Variants in NXPE2 observed in about 807,000 individuals in gnomAD.
NXPE2 encodes the protein NXPE family member 2.
In NXPE2, 34 loss-of-function variants were observed where a neutral mutation model predicts 34.4. The ratio of observed to expected loss-of-function variants is 0.99; its 90% CI spans 0.75 to 1.31. The LOEUF is 1.31. NXPE2 is among the 40% of genes most tolerant of loss of function. NXPE2 has a pLI of 0.00. For synonymous variants in NXPE2, 235 were observed against 231.3 expected (o/e 1.02, Z -0.15); for missense variants, 649 against 672.5 (o/e 0.97, Z 0.39).
At chr11:114,688,450 C>T (rs916711926) in intron 2 of NXPE2, among the ~76,000 whole-genome samples, 23 of 151,986 alleles carry the variant, frequency 1.5e-4, no homozygotes, top group Non-Finnish European at 2.7e-4. Context: ...TTAATTGTGG[C>T]GAATTAACTT....
At chr11:114,687,236 A>G (rs1267548506) in intron 2 of NXPE2, among the ~76,000 whole-genome samples, 3 of 151,994 alleles carry the variant, frequency 2.0e-5, no homozygotes, top group African/African-American at 4.8e-5. Flanking sequence ...TAGGATTTTT[A>G]TAGTTTGAGG....
At chr11:114,771,818 C>T in the NXPE2 span, among the ~76,000 whole-genome samples, 1 of 152,258 alleles carries the variant, frequency 6.6e-6, no homozygotes, top group Non-Finnish European at 1.5e-5. Flanking sequence ...CAACATAATC[C>T]TCTTCACACC....
chr11:114,663,630 TATCTATC>T, the NXPE2 span, among the ~76,000 whole-genome samples: 148 of 109,710 alleles, frequency 1.3e-3, no homozygotes, highest in Middle Eastern at 4.3e-3. Flanking sequence ...TCTATCTATC[TATCTATC>T]ATCTATCCAT....
chr11:114,609,733 T>C, the NXPE2 span, among the ~76,000 whole-genome samples: 1 of 151,656 alleles, frequency 6.6e-6, no homozygotes, highest in Admixed American at 6.6e-5. Flanking sequence ...TATTGCCTCA[T>C]GGATAACCAC....
chr11:114,532,850 T>A, the NXPE2 span, among the ~76,000 whole-genome samples: 1 of 152,212 alleles, frequency 6.6e-6, no homozygotes, highest in Non-Finnish European at 1.5e-5. Context: ...GTGAAAAATC[T>A]TGTAGTATAA....
At chr11:114,808,687 T>G in the NXPE2 span, among the ~76,000 whole-genome samples, 1 of 151,446 alleles carries the variant, frequency 6.6e-6, no homozygotes, top group Non-Finnish European at 1.5e-5. Flanking sequence ...GGCTCTGAAA[T>G]TGAGGCAATA....
At chr11:114,699,796 A>AT (rs11314562) in intron 3 of NXPE2, among the ~76,000 whole-genome samples, 45 of 129,666 alleles carry the variant, frequency 3.5e-4, no homozygotes, top group African/African-American at 9.4e-4. Context: ...CCATTCATTC[A>AT]TTTTTTTTTT....
the NXPE2 span, among the ~76,000 whole-genome samples, chr11:114,761,621 C>T: frequency 3.6e-5 from 5 of 138,650 alleles, no homozygotes; most frequent in Non-Finnish European, 7.5e-5. Flanking sequence ...GGCCGGACTG[C>T]GGACGGCAGT....
chr11:114,567,141 C>A, the NXPE2 span, among the ~76,000 whole-genome samples: 4 of 152,254 alleles, frequency 2.6e-5, no homozygotes, highest in East Asian at 7.7e-4. Context: ...CCAGAATAAG[C>A]AATCTTTTGG....
the NXPE2 span, among the ~76,000 whole-genome samples, chr11:114,640,252 A>G: frequency 2.1e-5 from 3 of 141,968 alleles, no homozygotes; most frequent in Non-Finnish European, 3.0e-5. Flanking sequence ...TATAAAATAT[A>G]AAATATATAG....
At chr11:114,502,530 T>G in the NXPE2 span, among the ~76,000 whole-genome samples, 1 of 152,216 alleles carries the variant, frequency 6.6e-6, no homozygotes, top group South Asian at 2.1e-4. Context: ...TGAGACTTTA[T>G]AATATTACTG....
At chr11:114,512,985 A>T in the NXPE2 span, 1 of 351,884 alleles carries the variant, frequency 2.8e-6, no homozygotes, top group East Asian at 7.3e-5. Flanking sequence ...CCCTCCAGAG[A>T]GTCAATGCTC....
the NXPE2 span, among the ~76,000 whole-genome samples, chr11:114,581,400 A>C: frequency 6.6e-6 from 1 of 152,150 alleles, no homozygotes. Flanking sequence ...GAGTGGTATG[A>C]AGAGAGGTGT....
chr11:114,790,548 G>A, the NXPE2 span, among the ~76,000 whole-genome samples: 12 of 152,152 alleles, frequency 7.9e-5, no homozygotes, highest in African/African-American at 2.4e-4. Flanking sequence ...CCAGATTTTC[G>A]CTATCCCCAA....
chr11:114,701,552 A>G (rs1296230602), intron 3 of NXPE2, among the ~76,000 whole-genome samples: 2 of 152,148 alleles, frequency 1.3e-5, no homozygotes, highest in African/African-American at 4.8e-5. Context: ...CTCCTACTGC[A>G]TGGAAATAGA....
the NXPE2 span, chr11:114,526,517 T>C: frequency 1.0e-5 from 1 of 97,160 alleles, no homozygotes; most frequent in Non-Finnish European, 2.2e-5. Context: ...CATACCACTC[T>C]CTTCCTCAGT....
the NXPE2 span, among the ~76,000 whole-genome samples, chr11:114,579,517 G>A: frequency 2.6e-5 from 4 of 152,302 alleles, no homozygotes; most frequent in African/African-American, 7.2e-5. Flanking sequence ...CTTTACTTGT[G>A]TCTACCTGAT....
the NXPE2 span, among the ~76,000 whole-genome samples, chr11:114,517,335 A>G: frequency 6.6e-6 from 1 of 152,046 alleles, no homozygotes; most frequent in Non-Finnish European, 1.5e-5. Context: ...CTCCTCCCTT[A>G]CCCAGAAATC....
At chr11:114,527,963 C>T in the NXPE2 span, 1 of 1,291,938 alleles carries the variant, frequency 7.7e-7, no homozygotes, top group South Asian at 1.4e-5. Flanking sequence ...ACAGGTGAAT[C>T]ATCTGCTTGT....
Sources: allele counts gnomAD v4.1 joint callset (sites outside exome capture counted in the v4.1 genomes callset), GRCh38; gene constraint gnomAD v4.1.1; transcripts MANE v1.5; gene names NCBI Gene and HGNC (gene_info 2026-07-23, HGNC 2026-07-21).